Variants in NAALADL2 observed in about 807,000 individuals in gnomAD.
NAALADL2 encodes the protein N-acetylated alpha-linked acidic dipeptidase like 2, also known as inactive N-acetylated-alpha-linked acidic dipeptidase-like protein 2.
Under a neutral mutation model 87.2 loss-of-function variants are expected in NAALADL2, and 76 were observed. The ratio of observed to expected loss-of-function variants is 0.87; its 90% confidence interval spans 0.72 to 1.05. The LOEUF (loss-of-function observed/expected upper bound fraction) is 1.05, where lower values mean the gene tolerates loss of function less well. Ranked by LOEUF, NAALADL2 falls within the 50% of genes least tolerant of loss-of-function variation. The pLI is 0.00. For synonymous variants in NAALADL2, 354 were observed against 331.0 expected, an observed-to-expected ratio of 1.07 and a Z score of -0.75; for missense variants, 1,089 against 945.8, an observed-to-expected ratio of 1.15 and a Z score of -1.99.
intron 4 of NAALADL2, among the ~76,000 whole-genome samples, chr3:175,298,789 T>C (rs1238047969): frequency 6.6e-6 from 1 of 152,172 alleles, no homozygotes; most frequent in African/African-American, 2.4e-5. Context: ...TTTTGAGGCT[T>C]ATAAGAACTT....
intron 3 of NAALADL2, among the ~76,000 whole-genome samples, chr3:174,755,740 A>G (rs1244756926): frequency 1.3e-5 from 2 of 152,250 alleles, no homozygotes; most frequent in Admixed American, 6.5e-5. Context: ...CTTGACTTCA[A>G]TAAATGTCTA....
chr3:174,588,911 C>G (rs1717039533), intron 2 of NAALADL2, among the ~76,000 whole-genome samples: 1 of 152,146 alleles, frequency 6.6e-6, no homozygotes, highest in Non-Finnish European at 1.5e-5. Flanking sequence ...GACTGCCAGA[C>G]AGGGATGTTT....
chr3:175,374,872 G>A (rs891178571), intron 5 of NAALADL2, among the ~76,000 whole-genome samples: 10 of 141,316 alleles, frequency 7.1e-5, no homozygotes, highest in African/African-American at 2.4e-4. Context: ...AGACCCTGTC[G>A]CAAATAAATA....
intron 3 of NAALADL2, among the ~76,000 whole-genome samples, chr3:174,786,336 C>T (rs928389181): frequency 2.0e-5 from 3 of 150,900 alleles, no homozygotes; most frequent in African/African-American, 7.3e-5. Flanking sequence ...TTGTAGTCCC[C>T]GATACTCGGG....
intron 3 of NAALADL2, among the ~76,000 whole-genome samples, chr3:174,836,914 C>T (rs1031288424): frequency 2.6e-5 from 4 of 151,682 alleles, no homozygotes; most frequent in Admixed American, 2.6e-4. Context: ...TTTTTGCAAC[C>T]TTGGGTTCAA....
chr3:174,607,314 C>T (rs1719205921), intron 2 of NAALADL2, among the ~76,000 whole-genome samples: 2 of 151,256 alleles, frequency 1.3e-5, no homozygotes, highest in Non-Finnish European at 2.9e-5. Context: ...TCACACATAA[C>T]AATATTAACT....
intron 1 of NAALADL2, among the ~76,000 whole-genome samples, chr3:174,530,955 T>C (rs1721186076): frequency 2.0e-5 from 3 of 152,222 alleles, no homozygotes; most frequent in Non-Finnish European, 4.4e-5. Flanking sequence ...TGTGAAACTA[T>C]GAACAAATTT....
intron 13 of NAALADL2, among the ~76,000 whole-genome samples, chr3:175,779,649 A>G (rs1466038710): frequency 1.3e-5 from 2 of 152,200 alleles, no homozygotes; most frequent in African/African-American, 4.8e-5. Context: ...CAAATATGCA[A>G]ATTAAGATTT....
intron 3 of NAALADL2, among the ~76,000 whole-genome samples, chr3:174,787,602 T>TATATATACATATATATATATACAC (rs1553855433): frequency 5.5e-5 from 4 of 73,360 alleles, no homozygotes; most frequent in African/African-American, 8.6e-5. Context: ...TATATATATA[T>TATATATACATATATATATATACAC]ATATATATAT....
chr3:175,495,090 A>ATTTTTT lies in NAALADL2; in HGVS notation c.1653+23333_1653+23334insTTTTTT, dbSNP rs1482846281. On this transcript the variant is annotated intron_variant, in intron 9 of 13. Transcript: ENST00000454872. Reference sequence around the variant, plus strand: ...AGCAATCCCATATATATATATATATATATTTTTTTTTAATTTTAGATTATT... The same window carrying ATTTTTT: ...AGCAATCCCATATATATATATATATATTTTTTTATTTTTTTTTAATTTTAGATTATT... Among the ~76,000 whole-genome samples, 4 of 134,072 alleles carry ATTTTTT rather than the reference A, an allele frequency of 3.0e-5. No homozygotes were observed. The South Asian group carries it at 1.0e-3, about 34-fold the overall frequency. 88.0% of individuals were successfully genotyped at this position (134,072 alleles called of 152,430 possible).
rs1581144422 is a variant in NAALADL2, at chr3:175,256,311, A to G, written c.820-100A>G. On this transcript the variant is annotated intron_variant, in intron 3 of 13. Coordinates refer to ENST00000454872, the MANE Select transcript of NAALADL2 (RefSeq NM_207015.3). The stretch of plus-strand genomic sequence containing the variant: ...AGATAGAATTAATTCTATATTGAAC[A>G]TTTCAAATTATGATGAATAATTTTG... 5.3e-6 allele frequency: 6 copies of G among 1,132,260 alleles called. No individual in the cohort carries two copies. The South Asian group carries it at 6.8e-5, about 13-fold the overall frequency. 70.1% of individuals were successfully genotyped at this position (1,132,260 alleles called of 1,614,324 possible). A position where few individuals can be genotyped will look rare whatever the true frequency, so the allele number is the denominator to read the frequency against.
intron 2 of NAALADL2, among the ~76,000 whole-genome samples, chr3:174,558,482 C>G (rs752504755): frequency 6.6e-6 from 1 of 152,074 alleles, no homozygotes; most frequent in South Asian, 2.1e-4. Context: ...TGCAACTAGA[C>G]GGTCCCATCT....
intron 1 of NAALADL2, among the ~76,000 whole-genome samples, chr3:174,508,282 T>G (rs933257167): frequency 6.6e-6 from 1 of 151,762 alleles, no homozygotes; most frequent in African/African-American, 2.4e-5. Flanking sequence ...CCCGGCTAAT[T>G]TTTTGTATTT....
chr3:175,356,693 T>C (rs1446070685), intron 5 of NAALADL2, among the ~76,000 whole-genome samples: 1 of 151,648 alleles, frequency 6.6e-6, no homozygotes, highest in Non-Finnish European at 1.5e-5. Context: ...GAGTTCTAAT[T>C]GATGTTATAG....
At chr3:174,849,368 T>C (rs1724983846) in intron 3 of NAALADL2, among the ~76,000 whole-genome samples, 1 of 152,220 alleles carries the variant, frequency 6.6e-6, no homozygotes, top group Non-Finnish European at 1.5e-5. Context: ...AAATATTTCC[T>C]GTTTGTATAT....
intron 11 of NAALADL2, among the ~76,000 whole-genome samples, chr3:175,672,683 C>T (rs972039709): frequency 1.3e-5 from 2 of 152,110 alleles, no homozygotes; most frequent in Non-Finnish European, 2.9e-5. Context: ...ATCAAAACGG[C>T]AAGGGACATA....
rs375999185 is a variant in NAALADL2 at position 175,056,728 on chromosome 3, C to T, written c.44-40062C>T. 1.4e-4 allele frequency among the ~76,000 whole-genome samples: 21 copies of T among 152,140 alleles called. No individual in the cohort carries two copies. In the East Asian group the frequency reaches 1.7e-3, roughly 13 times the overall value. On this transcript the variant is annotated intron_variant, in intron 1 of 13. Coordinates refer to ENST00000454872, the MANE Select transcript of NAALADL2 (RefSeq NM_207015.3). ...AGATTAACTAAAAGTATTCCTTATG[C>T]GAAATAAAGAGATGGGCCGAAATAA...
chr3:175,483,386 C>A (rs1726799656), intron 9 of NAALADL2, among the ~76,000 whole-genome samples: 1 of 144,446 alleles, frequency 6.9e-6, no homozygotes, highest in South Asian at 2.2e-4. Context: ...CATCTTTTTT[C>A]CTGACTTCTT....
At position 175,097,119 on chromosome 3, in the gene NAALADL2, G is replaced by C; in HGVS notation, c.373G>C (p.Val125Leu). ...PKSNRCNFCH[V>L]LKILCTATIL... ...GAGCAATCGCTGCAACTTTTGCCAC[G>C]TCTTAAAAATACTTTGCACAGCCAC... The change falls in exon 2 of 14, where the codon GTC becomes CTC. Residue 125 changes from valine (V) to leucine (L), a missense_variant. By Grantham distance (32) the Val-to-Leu change is conservative. Transcript: ENST00000454872. 1 of 1,613,674 alleles carries C rather than the reference G, an allele frequency of 6.2e-7. No homozygotes were observed. The highest frequency in any genetic ancestry group is 8.5e-7 in the Non-Finnish European group (1 of 1,179,700).
Sources: allele counts gnomAD v4.1 joint callset (sites outside exome capture counted in the v4.1 genomes callset), GRCh38; gene constraint gnomAD v4.1.1; transcripts MANE v1.5; gene names NCBI Gene and HGNC (gene_info 2026-07-23, HGNC 2026-07-21).